TENM2: variants seen among roughly 807,000 people sequenced by gnomAD.
The protein encoded by TENM2 is teneurin-2.
TENM2 carries 52 observed loss-of-function variants against 245.2 expected under a neutral mutation model. The ratio of observed to expected loss-of-function variants is 0.21; its 90% CI spans 0.17 to 0.27. TENM2 has a LOEUF of 0.27. Among genes scored for constraint, TENM2 ranks in the 10% least tolerant of loss-of-function variants. The probability of loss-of-function intolerance (pLI) is 1.00; values close to 1 mark genes in which losing one functional copy is unlikely to be tolerated. For missense variants in TENM2, 3,046 were observed against 3,666.8 expected (o/e 0.83, Z 4.37); for synonymous variants, 1,363 against 1,438.9 (o/e 0.95, Z 1.19).
chr5:168,111,601 A>T (rs571134709), intron 9 of TENM2, among the ~76,000 whole-genome samples: 1 of 152,226 alleles, frequency 6.6e-6, no homozygotes, highest in South Asian at 2.1e-4. Flanking sequence ...TTAATAGGTC[A>T]GGAAAACTGA....
chr5:167,938,851 G>A (rs1440763918), intron 3 of TENM2, among the ~76,000 whole-genome samples: 2 of 151,718 alleles, frequency 1.3e-5, no homozygotes, highest in Non-Finnish European at 2.9e-5. Flanking sequence ...GCTGAGACAG[G>A]AGAATCACTT....
At chr5:168,147,829 G>A (rs555059466) in intron 12 of TENM2, among the ~76,000 whole-genome samples, 1 of 152,226 alleles carries the variant, frequency 6.6e-6, no homozygotes, top group East Asian at 1.9e-4. Context: ...TAAAACCCGA[G>A]CATCCCTAAA....
At chr5:167,239,649 T>A in the TENM2 span, among the ~76,000 whole-genome samples, 1 of 151,816 alleles carries the variant, frequency 6.6e-6, no homozygotes, top group East Asian at 1.9e-4. Context: ...ATGTGTTTGC[T>A]TGTACTCAGT....
the TENM2 span, among the ~76,000 whole-genome samples, chr5:167,157,334 C>A: frequency 2.0e-5 from 3 of 152,148 alleles, no homozygotes; most frequent in Non-Finnish European, 1.5e-5. Context: ...TATTGATAAG[C>A]CCCTCATTAG....
intron 3 of TENM2, among the ~76,000 whole-genome samples, chr5:167,946,361 A>AG (rs111713457): frequency 0.46 from 70,126 of 151,862 alleles, 17,881 homozygotes; most frequent in African/African-American, 0.69. Context: ...GCCGCTGGTT[A>AG]GGGAGCCAGG....
intron 23 of TENM2, among the ~76,000 whole-genome samples, chr5:168,225,761 CAAAAAAAAA>C (rs567948197): frequency 3.5e-5 from 2 of 57,144 alleles, no homozygotes; most frequent in Admixed American, 2.0e-4. Context: ...TCCATCATCT[CAAAAAAAAA>C]AAAAAAAAAG....
intron 2 of TENM2, among the ~76,000 whole-genome samples, chr5:167,577,829 C>A (rs1222175348): frequency 1.3e-5 from 2 of 152,072 alleles, no homozygotes; most frequent in African/African-American, 2.4e-5. Flanking sequence ...GAGAATCTGA[C>A]GAAGATGCAA....
At chr5:167,018,044 A>T in the TENM2 span, among the ~76,000 whole-genome samples, 45 of 152,342 alleles carry the variant, frequency 3.0e-4, no homozygotes, top group Admixed American at 6.5e-4. Context: ...AACATTGAAT[A>T]GTCCTTTAGG....
intron 3 of TENM2, chr5:167,937,598 T>TAAG (rs1352323167): frequency 6.6e-6 from 1 of 152,030 alleles, no homozygotes; most frequent in African/African-American, 2.4e-5. Flanking sequence ...GTTAATTCTG[T>TAAG]AAGTCATTTT....
intron 1 of TENM2, among the ~76,000 whole-genome samples, chr5:167,360,111 C>A (rs959740463): frequency 6.6e-6 from 1 of 152,126 alleles, no homozygotes; most frequent in Non-Finnish European, 1.5e-5. Flanking sequence ...GTACAACAAA[C>A]CCCGGTGATA....
the TENM2 span, among the ~76,000 whole-genome samples, chr5:167,043,426 A>G: frequency 6.6e-6 from 1 of 152,164 alleles, no homozygotes; most frequent in Non-Finnish European, 1.5e-5. Context: ...GAGGTAATTT[A>G]TATGTGTGTG....
At chr5:167,085,357 T>C in the TENM2 span, among the ~76,000 whole-genome samples, 1 of 152,214 alleles carries the variant, frequency 6.6e-6, no homozygotes, top group Non-Finnish European at 1.5e-5. Flanking sequence ...ATAATGATTG[T>C]TAGGTAGCCT....
chr5:167,213,707 A>G, the TENM2 span, among the ~76,000 whole-genome samples: 1 of 152,244 alleles, frequency 6.6e-6, no homozygotes, highest in Non-Finnish European at 1.5e-5. Flanking sequence ...TTAGATGAGT[A>G]GCCTCTATAA....
In TENM2 at chr5:168,179,465, C is replaced by T. The variant is rs184630466; in HGVS notation, c.2570-10872C>T. Among the ~76,000 whole-genome samples the T allele has an allele frequency of 5.3e-5, 8 of 152,290 alleles. No homozygotes were observed. The East Asian group carries it at 1.5e-3, about 29-fold the overall frequency. On this transcript the variant is annotated intron_variant, in intron 13 of 28. Coordinates refer to ENST00000518659, the Ensembl canonical transcript of TENM2. ...CTAGGAGCTGGGGCAGAGGGCTGGC[C>T]AAAACATTCTGCTGCCCAGTTTCCC...
chr5:168,174,230 C>T (rs566217378), intron 13 of TENM2, among the ~76,000 whole-genome samples: 1 of 152,288 alleles, frequency 6.6e-6, no homozygotes, highest in Non-Finnish European at 1.5e-5. Flanking sequence ...GCCTCCATTG[C>T]ACATGGGCAT....
chr5:168,163,164 T>A (rs1269953953), intron 13 of TENM2, among the ~76,000 whole-genome samples: 4 of 152,238 alleles, frequency 2.6e-5, no homozygotes, highest in Non-Finnish European at 5.9e-5. Flanking sequence ...CCCTTTGAGA[T>A]GTCACTCTAC....
exon 1 of TENM2, chr5:167,285,036 C>T (rs1268854803): frequency 3.2e-6 from 5 of 1,552,168 alleles, no homozygotes; most frequent in Admixed American, 3.9e-5. Flanking sequence ...CCTCATCCAC[C>T]GGGAGTCAGA....
rs536014832 is a variant in TENM2, at chr5:168,099,470, C to G, written c.1813+1343C>G. ...ATTGTGAGGATAGTGTAAGATAACA[C>G]ACACAAAGCTCTTAGCAGGGCACAA... On this transcript the variant is annotated intron_variant, in intron 9 of 28. Transcript: ENST00000518659. 2.6e-5 allele frequency among the ~76,000 whole-genome samples: 4 copies of G among 152,242 alleles called. No homozygotes were observed. The East Asian group carries it at 7.7e-4, about 29-fold the overall frequency.
At chr5:167,301,031 G>T (rs559508203) in intron 1 of TENM2, among the ~76,000 whole-genome samples, 112 of 152,290 alleles carry the variant, frequency 7.4e-4, no homozygotes, top group Middle Eastern at 3.4e-3. Context: ...AGGTAATGTG[G>T]AGTGGGTAGC....
Sources: allele counts gnomAD v4.1 joint callset (sites outside exome capture counted in the v4.1 genomes callset), GRCh38; gene constraint gnomAD v4.1.1; transcripts MANE v1.5; gene names NCBI Gene and HGNC (gene_info 2026-07-23, HGNC 2026-07-21).